Variants in FOXP2 observed in about 807,000 individuals in gnomAD.
FOXP2 encodes the protein forkhead box protein P2.
A neutral mutation model predicts 115.8 loss-of-function variants in FOXP2; 12 were observed. The ratio of observed to expected loss-of-function variants is 0.10; its 90% confidence interval spans 0.07 to 0.17. FOXP2 has a LOEUF of 0.17. Ranked by LOEUF, FOXP2 falls within the 10% of genes least tolerant of loss-of-function variation. The pLI, the probability that FOXP2 is intolerant of heterozygous loss-of-function variation, is 1.00. For synonymous variants in FOXP2, 328 were observed against 297.7 expected, an observed-to-expected ratio of 1.10 and a Z score of -1.05; for missense variants, 629 against 843.5, an observed-to-expected ratio of 0.75 and a Z score of 3.15.
intron 8 of FOXP2, among the ~76,000 whole-genome samples, chr7:114,649,786 T>A (rs1806133092): frequency 1.3e-5 from 2 of 152,044 alleles, no homozygotes. Flanking sequence ...TATGTGTTTT[T>A]CAAGTTCTCA....
intron 1 of FOXP2, among the ~76,000 whole-genome samples, chr7:114,182,777 C>G (rs1393712570): frequency 6.6e-6 from 1 of 151,564 alleles, no homozygotes; most frequent in Non-Finnish European, 1.5e-5. Context: ...TATGTTCAAT[C>G]GAATTATTAT....
intron 9 of FOXP2, among the ~76,000 whole-genome samples, chr7:114,652,968 T>C (rs1357517599): frequency 6.6e-6 from 1 of 152,166 alleles, no homozygotes; most frequent in African/African-American, 2.4e-5. Flanking sequence ...ACCCAAAGTC[T>C]GACTCTTGTT....
intron 1 of FOXP2, among the ~76,000 whole-genome samples, chr7:114,178,501 T>C (rs890548452): frequency 2.6e-5 from 4 of 152,012 alleles, no homozygotes; most frequent in African/African-American, 9.6e-5. Context: ...TGACATGAGA[T>C]ACAACTTGTT....
At position 114,501,093 on chromosome 7, in the gene FOXP2, C is replaced by G. The variant is rs1475370067; in HGVS notation, c.169-33524C>G. Among the ~76,000 whole-genome samples, 3 of 152,238 alleles carry G rather than the reference C, an allele frequency of 2.0e-5. No homozygotes were observed. In the East Asian group the frequency reaches 5.8e-4, roughly 29 times the overall value. ...AAAAGAATCATTTTGTCTTAATTTA[C>G]ATTCTTGATTCAATGAGAAAAATGT... On this transcript the variant is annotated intron_variant, in intron 2 of 16. Transcript: ENST00000350908.
chr7:114,663,626 T>C (rs1807006222), intron 15 of FOXP2, 107 bp downstream of exon 15: 1 of 883,632 alleles, frequency 1.1e-6, no homozygotes, highest in East Asian at 2.5e-5. Flanking sequence ...TAATAGTTGG[T>C]TTATCATCCA....
At chr7:114,560,037 A>C (rs1800688026) in intron 3 of FOXP2, among the ~76,000 whole-genome samples, 1 of 152,192 alleles carries the variant, frequency 6.6e-6, no homozygotes, top group Non-Finnish European at 1.5e-5. Context: ...CTGCCACTAA[A>C]CTTTCTTTGT....
intron 1 of FOXP2, among the ~76,000 whole-genome samples, chr7:114,253,278 G>T (rs10015775): frequency 6.6e-6 from 1 of 152,174 alleles, no homozygotes; most frequent in South Asian, 2.1e-4. Flanking sequence ...GTTGATTTGG[G>T]GTGGAGAGTT....
intron 2 of FOXP2, among the ~76,000 whole-genome samples, chr7:114,298,372 A>G (rs1024682064): frequency 1.2e-4 from 18 of 152,156 alleles, no homozygotes; most frequent in African/African-American, 4.3e-4. Context: ...AGTATTAAGT[A>G]GTGTATGTTC....
intron 6 of FOXP2, among the ~76,000 whole-genome samples, chr7:114,637,368 A>G (rs1805277630): frequency 6.6e-6 from 1 of 152,164 alleles, no homozygotes; most frequent in Admixed American, 6.5e-5. Flanking sequence ...AAATTGCATA[A>G]TTACAAAACT....
chr7:114,660,490 G>T (rs992554918), intron 13 of FOXP2, among the ~76,000 whole-genome samples: 2 of 152,182 alleles, frequency 1.3e-5, no homozygotes, highest in Non-Finnish European at 2.9e-5. Context: ...TAGACTGTGA[G>T]ATATGCTAAA....
chr7:114,113,834 A>G (rs942843820), intron 1 of FOXP2, among the ~76,000 whole-genome samples: 20 of 152,246 alleles, frequency 1.3e-4, no homozygotes, highest in Non-Finnish European at 2.2e-4. Context: ...TAAAGCAGTG[A>G]CAGTTAAAAG....
At chr7:114,198,327 C>T (rs571869432) in intron 1 of FOXP2, among the ~76,000 whole-genome samples, 1 of 152,130 alleles carries the variant, frequency 6.6e-6, no homozygotes. Flanking sequence ...ATCATTGAGA[C>T]CATTTTCTAC....
At chr7:114,493,501 A>G (rs1187464760) in intron 2 of FOXP2, among the ~76,000 whole-genome samples, 2 of 152,148 alleles carry the variant, frequency 1.3e-5, no homozygotes, top group East Asian at 3.9e-4. Flanking sequence ...AAAAATCTGT[A>G]CCTTTCACTC....
chr7:114,240,721 T>G (rs1795131276), intron 1 of FOXP2, among the ~76,000 whole-genome samples: 1 of 152,032 alleles, frequency 6.6e-6, no homozygotes, highest in South Asian at 2.1e-4. Context: ...TATTTCAAAG[T>G]TTAAACTGTT....
At chr7:114,137,632 A>G (rs985818687) in intron 1 of FOXP2, among the ~76,000 whole-genome samples, 4 of 148,806 alleles carry the variant, frequency 2.7e-5, no homozygotes, top group Non-Finnish European at 4.4e-5. Context: ...GGAACAGTTC[A>G]AGAAGTTTTC....
chr7:114,455,955 G>A (rs1337767413), intron 2 of FOXP2, among the ~76,000 whole-genome samples: 1 of 152,048 alleles, frequency 6.6e-6, no homozygotes, highest in African/African-American at 2.4e-5. Context: ...ACACCATTTT[G>A]TGTTCTGCCC....
chr7:114,238,506 C>G (rs1795068291), intron 1 of FOXP2, among the ~76,000 whole-genome samples: 1 of 152,162 alleles, frequency 6.6e-6, no homozygotes, highest in South Asian at 2.1e-4. Flanking sequence ...GGCGAAGTGG[C>G]TCACGCCTGC....
intron 3 of FOXP2, chr7:114,570,761 A>G (rs1222066333): frequency 7.0e-7 from 1 of 1,427,202 alleles, no homozygotes; most frequent in African/African-American, 1.4e-5. Context: ...CACAAGCCTT[A>G]AGATTGAAAA....
At chr7:114,570,913 T>C (rs1801268122) in intron 3 of FOXP2, 2 of 1,591,606 alleles carry the variant, frequency 1.3e-6, no homozygotes, top group Non-Finnish European at 1.7e-6. Flanking sequence ...GAAATTCAGC[T>C]ACTAGGCACA....
Sources: allele counts gnomAD v4.1 joint callset (sites outside exome capture counted in the v4.1 genomes callset), GRCh38; gene constraint gnomAD v4.1.1; transcripts MANE v1.5; gene names NCBI Gene and HGNC (gene_info 2026-07-23, HGNC 2026-07-21).